Variants in WDPCP observed in about 807,000 individuals in gnomAD.
WDPCP encodes the protein WD repeat containing planar cell polarity effector, also known as WD repeat-containing and planar cell polarity effector protein fritz homolog.
Under a neutral mutation model 93.1 loss-of-function variants are expected in WDPCP, and 71 were observed. The observed-to-expected ratio is 0.76, with a 90% CI of 0.63 to 0.93. WDPCP has a LOEUF of 0.93. WDPCP is among the 40% of genes least tolerant of loss of function. The pLI is 0.00. For missense variants in WDPCP, 844 were observed against 887.4 expected, an observed-to-expected ratio of 0.95 and a Z score of 0.62; for synonymous variants, 315 against 315.0, an observed-to-expected ratio of 1.00 and a Z score of 0.00.
chr2:63,569,002 T>A (rs1244577447), intron 1 of WDPCP, among the ~76,000 whole-genome samples: 3 of 152,216 alleles, frequency 2.0e-5, no homozygotes, highest in Non-Finnish European at 4.4e-5. Flanking sequence ...GGGAGGAAAG[T>A]CTTTGAAGAG....
At chr2:63,746,029 T>C (rs1013686695) in intron 2 of WDPCP, among the ~76,000 whole-genome samples, 4 of 152,178 alleles carry the variant, frequency 2.6e-5, no homozygotes, top group African/African-American at 4.8e-5. Context: ...TTATGGGCCA[T>C]TTGAGTTTCT....
the WDPCP span, among the ~76,000 whole-genome samples, chr2:63,839,453 G>C: frequency 6.6e-6 from 1 of 152,226 alleles, no homozygotes. Context: ...AGCTACTCGA[G>C]AGGCTAAGGC....
intron 10 of WDPCP, among the ~76,000 whole-genome samples, chr2:63,393,169 A>C (rs1693421470): frequency 6.6e-6 from 1 of 152,216 alleles, no homozygotes; most frequent in Non-Finnish European, 1.5e-5. Flanking sequence ...GATTAAGAAA[A>C]TGTGGCACAT....
chr2:63,811,070 G>T (rs1481478922), intron 2 of WDPCP, among the ~76,000 whole-genome samples: 3 of 152,110 alleles, frequency 2.0e-5, no homozygotes, highest in African/African-American at 7.2e-5. Context: ...TTTTTGGTTT[G>T]TTTGTTGGCA....
chr2:63,793,840 C>A (rs920107790), intron 2 of WDPCP, among the ~76,000 whole-genome samples: 1 of 151,018 alleles, frequency 6.6e-6, no homozygotes, highest in African/African-American at 2.4e-5. Context: ...TTTAAGAAAT[C>A]TCAATTTTGT....
At chr2:63,392,103 G>C (rs1044620055) in intron 10 of WDPCP, among the ~76,000 whole-genome samples, 5 of 152,114 alleles carry the variant, frequency 3.3e-5, no homozygotes, top group Admixed American at 6.6e-5. Flanking sequence ...AAAGAACAAA[G>C]CTGGAGGCAT....
At chr2:63,583,825 A>C (rs1471187006) in intron 1 of WDPCP, among the ~76,000 whole-genome samples, 1 of 151,970 alleles carries the variant, frequency 6.6e-6, no homozygotes, top group East Asian at 1.9e-4. Context: ...ATAAAATAGG[A>C]TACATATGAG....
intron 14 of WDPCP, among the ~76,000 whole-genome samples, chr2:63,226,781 T>C (rs1279785952): frequency 6.6e-6 from 1 of 151,944 alleles, no homozygotes; most frequent in East Asian, 1.9e-4. Context: ...TCTTTTCATA[T>C]GAATGTACAT....
intron 2 of WDPCP, among the ~76,000 whole-genome samples, chr2:63,790,512 T>G (rs1670529620): frequency 6.6e-6 from 1 of 152,188 alleles, no homozygotes; most frequent in African/African-American, 2.4e-5. Context: ...TAGTCAGAGT[T>G]GGCCTGGCAA....
intron 5 of WDPCP, 45 bp from the exon 6 acceptor site, chr2:63,484,708 T>C (rs1487960453): frequency 2.5e-6 from 4 of 1,610,306 alleles, no homozygotes; most frequent in African/African-American, 2.7e-5. Flanking sequence ...GCTGTACACA[T>C]TGTCATTATC....
chr2:63,711,574 T>C (rs11686956), intron 2 of WDPCP: 1 of 152,192 alleles, frequency 6.6e-6, no homozygotes, highest in South Asian at 2.1e-4. Flanking sequence ...CTGGACAACA[T>C]AGTGAGACCC....
At chr2:63,270,581 A>G (rs1682556837) in intron 13 of WDPCP, among the ~76,000 whole-genome samples, 1 of 152,212 alleles carries the variant, frequency 6.6e-6, no homozygotes, top group Admixed American at 6.5e-5. Flanking sequence ...TATTGAATAC[A>G]GCATTTAAGA....
chr2:63,821,910 T>G (rs899910049), intron 1 of WDPCP, among the ~76,000 whole-genome samples: 2 of 152,162 alleles, frequency 1.3e-5, no homozygotes, highest in Non-Finnish European at 2.9e-5. Flanking sequence ...TCAGCACCTT[T>G]TCAGTCACTC....
rs370893205 is a variant in WDPCP at position 63,670,702 on chromosome 2, C to A, written n.309-19864G>T. Among the ~76,000 whole-genome samples the A allele has an allele frequency of 1.4e-4, 22 of 152,180 alleles. No individual in the cohort carries two copies. In the East Asian group the frequency reaches 2.9e-3, roughly 20 times the overall value. On this transcript the variant is annotated intron_variant and non_coding_transcript_variant, in intron 2 of 4. Coordinates refer to the WDPCP transcript ENST00000467687. ...ACCAACAGTTACTGGAGACTATGTT[C>A]CCATCTGCCCTTTGCCAACTTGCCT...
chr2:63,625,945 AG>A (rs1709805623), intron 3 of WDPCP, among the ~76,000 whole-genome samples: 1 of 152,222 alleles, frequency 6.6e-6, no homozygotes, highest in African/African-American at 2.4e-5. Context: ...TTATACTACA[AG>A]GCTACAGTAA....
At chr2:63,386,542 T>C (rs1321401667) in intron 10 of WDPCP, among the ~76,000 whole-genome samples, 2 of 152,102 alleles carry the variant, frequency 1.3e-5, no homozygotes, top group Non-Finnish European at 2.9e-5. Flanking sequence ...TGACCATTAA[T>C]TTCAAGTGTT....
At chr2:63,701,907 T>C (rs568647184) in intron 2 of WDPCP, among the ~76,000 whole-genome samples, 2 of 152,314 alleles carry the variant, frequency 1.3e-5, no homozygotes, top group East Asian at 1.9e-4. Context: ...TACAGTTCGA[T>C]AGAAGAAATA....
At chr2:63,557,475 T>G (rs937357616) in intron 1 of WDPCP, among the ~76,000 whole-genome samples, 1 of 152,124 alleles carries the variant, frequency 6.6e-6, no homozygotes, top group Non-Finnish European at 1.5e-5. Flanking sequence ...CCTAAACATA[T>G]ATGCACCCAA....
chr2:63,259,434 G>C (rs750956894), intron 13 of WDPCP, 25 bp from the exon 14 acceptor site: 141 of 1,577,632 alleles, frequency 8.9e-5, no homozygotes, highest in Non-Finnish European at 1.1e-4. Flanking sequence ...CAAAATAAAA[G>C]ATTGATTCAA....
Sources: gnomAD v4.1 joint callset for allele counts (sites outside exome capture counted in the v4.1 genomes callset) on GRCh38, gnomAD v4.1.1 for gene constraint, MANE v1.5 for transcripts, NCBI Gene and HGNC (gene_info 2026-07-23, HGNC 2026-07-21) for gene names.